PCDHA1: variants seen among roughly 807,000 people sequenced by gnomAD.
PCDHA1 encodes protocadherin alpha 1.
PCDHA1 carries 42 observed loss-of-function variants against 61.3 expected under a neutral mutation model. That is an observed-to-expected ratio of 0.69 (90% CI 0.54 to 0.89). The LOEUF (loss-of-function observed/expected upper bound fraction) is 0.89. Among genes scored for constraint, PCDHA1 ranks in the 40% least tolerant of loss-of-function variants. The probability of loss-of-function intolerance (pLI) is 0.00; values close to 1 mark genes in which losing one functional copy is unlikely to be tolerated. For synonymous variants in PCDHA1, 610 were observed against 553.8 expected, an observed-to-expected ratio of 1.10 and a Z score of -1.43; for missense variants, 1,256 against 1,235.3, an observed-to-expected ratio of 1.02 and a Z score of -0.25.
chr5:140,821,872 T>C, intron 1 of PCDHA1: 1 of 1,614,172 alleles, frequency 6.2e-7, no homozygotes, highest in South Asian at 1.1e-5. Context: ...GCTCCACTAC[T>C]CGATCCCGGA....
intron 1 of PCDHA1, among the ~76,000 whole-genome samples, chr5:140,944,016 A>G (rs2093596830): frequency 6.6e-6 from 1 of 152,182 alleles, no homozygotes; most frequent in Non-Finnish European, 1.5e-5. Flanking sequence ...CCCAAAAGCA[A>G]TTATCTTCAA....
intron 1 of PCDHA1, chr5:140,824,450 T>C (rs1768125809): frequency 2.2e-6 from 1 of 452,052 alleles, no homozygotes; most frequent in African/African-American, 2.0e-5. Context: ...TATGACTACA[T>C]GAAAATTTAT....
At chr5:140,807,957 A>G (rs1554124363) in intron 1 of PCDHA1, 1 of 1,612,504 alleles carries the variant, frequency 6.2e-7, no homozygotes, top group South Asian at 1.1e-5. Flanking sequence ...AATGTTCCTA[A>G]TGGAACATTG....
intron 1 of PCDHA1, chr5:140,875,972 T>C (rs782102743): frequency 3.1e-6 from 5 of 1,614,068 alleles, no homozygotes; most frequent in Non-Finnish European, 4.2e-6. Flanking sequence ...GTAAACTCTC[T>C]TTTGACCTAT....
At chr5:140,796,509 C>T in intron 1 of PCDHA1, 5 of 1,612,400 alleles carry the variant, frequency 3.1e-6, no homozygotes, top group Non-Finnish European at 4.2e-6. Context: ...CGGAGAGCGG[C>T]AAGGTGTACG....
Position 140,795,979 on chromosome 5 carries a change from A to G in PCDHA1, c.2394+7295A>G, listed in dbSNP as rs1290254887. On this transcript the variant is annotated intron_variant, in intron 1 of 3. Coordinates refer to ENST00000504120, the MANE Select transcript of PCDHA1 (RefSeq NM_018900.4). ...GTCAGGACATTGTAAAATTTCATTAAAACTTGTGGACATCAATGATAACAC... is the reference window on the plus strand; with the variant it reads ...GTCAGGACATTGTAAAATTTCATTAGAACTTGTGGACATCAATGATAACAC... 6.2e-7 allele frequency: 1 copy of G among 1,614,040 alleles called. No individual in the cohort carries two copies. The highest frequency in any genetic ancestry group is 1.3e-5 in the African/African-American group (1 of 74,912).
In PCDHA1 at chr5:140,787,197, A is replaced by G; in HGVS notation, c.907A>G (p.Arg303Gly). 2 of 1,614,040 alleles carry G rather than the reference A, an allele frequency of 1.2e-6. No individual in the cohort carries two copies. The highest frequency in any genetic ancestry group is 1.7e-6 in the Non-Finnish European group (2 of 1,179,944). Residue 303 changes from arginine (R) to glycine (G), a missense_variant, in exon 1 of 4, where the codon AGG (arginine) becomes GGG (glycine). Arg to Gly is a moderately radical substitution (Grantham distance 125). Coordinates refer to ENST00000504120, the MANE Select transcript of PCDHA1 (RefSeq NM_018900.4). ...AGTTGATTCCAGCTCAGGAGAAATT[A>G]GGTTAATTGATAAACTGGATTATGA... Reference protein sequence around the residue: ...FKVDSSSGEIRLIDKLDYEET... With the variant: ...FKVDSSSGEIGLIDKLDYEET...
intron 1 of PCDHA1, chr5:140,836,158 C>A (rs1774252589): frequency 6.2e-7 from 1 of 1,613,784 alleles, no homozygotes; most frequent in African/African-American, 1.3e-5. Flanking sequence ...CATGTGGTGG[C>A]GAAGGTACGT....
chr5:140,987,789 G>T (rs1356794638), intron 3 of PCDHA1, among the ~76,000 whole-genome samples: 2 of 152,136 alleles, frequency 1.3e-5, no homozygotes, highest in African/African-American at 4.8e-5. Context: ...CTATAGAGAA[G>T]ATTTTTTTAA....
chr5:140,828,369 A>C, intron 1 of PCDHA1: 1 of 1,614,252 alleles, frequency 6.2e-7, no homozygotes, highest in Non-Finnish European at 8.5e-7. Context: ...ATCGACCGCG[A>C]GGAGCTGTGC....
At chr5:140,978,767 AC>A (rs1167493285) in intron 1 of PCDHA1, among the ~76,000 whole-genome samples, 181 bp from the exon 2 acceptor site, 4 of 152,342 alleles carry the variant, frequency 2.6e-5, no homozygotes, top group South Asian at 2.1e-4. Flanking sequence ...ACCCTGATGA[AC>A]TAATTTTCTT....
At chr5:140,831,487 G>GCAGC (rs1554133250) in intron 1 of PCDHA1, among the ~76,000 whole-genome samples, 60 of 89,824 alleles carry the variant, frequency 6.7e-4, no homozygotes, top group African/African-American at 2.9e-3. Flanking sequence ...AGCCTCTGGA[G>GCAGC]TTACTACACA....
intron 1 of PCDHA1, among the ~76,000 whole-genome samples, chr5:140,932,619 A>T (rs535899807): frequency 5.3e-5 from 8 of 152,056 alleles, no homozygotes; most frequent in African/African-American, 1.9e-4. Context: ...TGAAGCTGAT[A>T]ACCACACTAA....
At chr5:140,869,350 A>G (rs1197202286) in intron 1 of PCDHA1, 3 of 1,614,064 alleles carry the variant, frequency 1.9e-6, no homozygotes, top group Non-Finnish European at 1.7e-6. Flanking sequence ...GCAGAATGGC[A>G]TTTTGTTTGT....
chr5:140,960,111 A>G (rs1554224465), intron 1 of PCDHA1, among the ~76,000 whole-genome samples: 1 of 152,256 alleles, frequency 6.6e-6, no homozygotes, highest in African/African-American at 2.4e-5. Flanking sequence ...TGTGGGAACA[A>G]TAGTATTCCT....
chr5:141,010,325 G>T lies in PCDHA1; in HGVS notation c.*388G>T. On this transcript the variant is annotated 3_prime_UTR_variant, in exon 4 of 4. Coordinates refer to ENST00000504120, the MANE Select transcript of PCDHA1 (RefSeq NM_018900.4). Reference sequence around the variant, plus strand: ...GAAAAGTTTTGAGATTGAGCAGCTTGGGAGTTTGTGGCCACTGGGTATGTG... The same window carrying T: ...GAAAAGTTTTGAGATTGAGCAGCTTTGGAGTTTGTGGCCACTGGGTATGTG... 1 of 1,539,506 alleles carries T rather than the reference G, an allele frequency of 6.5e-7. No individual in the cohort carries two copies. The highest frequency in any genetic ancestry group is 8.7e-7 in the Non-Finnish European group (1 of 1,142,888).
intron 2 of PCDHA1, among the ~76,000 whole-genome samples, chr5:140,979,642 A>G (rs1364696351): frequency 2.0e-5 from 3 of 152,188 alleles, no homozygotes; most frequent in South Asian, 2.1e-4. Flanking sequence ...ATTAAATATA[A>G]TTTTGCTTTC....
intron 1 of PCDHA1, chr5:140,805,052 C>T: frequency 6.3e-7 from 1 of 1,591,196 alleles, no homozygotes; most frequent in Non-Finnish European, 8.5e-7. Flanking sequence ...AAGTACTTGT[C>T]TTCCCAGATA....
At chr5:140,908,073 G>A (rs2153503880) in intron 1 of PCDHA1, among the ~76,000 whole-genome samples, 1 of 152,322 alleles carries the variant, frequency 6.6e-6, no homozygotes, top group Admixed American at 6.5e-5. Context: ...CATGAAAAGT[G>A]CACAACCAGG....
Sources: allele counts gnomAD v4.1 joint callset (sites outside exome capture counted in the v4.1 genomes callset), GRCh38; gene constraint gnomAD v4.1.1; transcripts MANE v1.5; gene names NCBI Gene and HGNC (gene_info 2026-07-23, HGNC 2026-07-21).